Variants in RYR2 observed in about 807,000 individuals in gnomAD.
RYR2 encodes cardiac muscle ryanodine receptor-calcium release channel.
In RYR2, 227 loss-of-function variants were observed where a neutral mutation model predicts 601.1. That is an observed-to-expected ratio of 0.38 (90% confidence interval 0.34 to 0.42). RYR2 has a LOEUF of 0.42. Ranked by LOEUF, RYR2 falls within the 10% of genes least tolerant of loss-of-function variation. The probability of loss-of-function intolerance (pLI) is 1.00; values close to 1 mark genes in which losing one functional copy is unlikely to be tolerated. For missense variants in RYR2, 4,646 were observed against 6,156.5 expected (o/e 0.75, Z 8.21); for synonymous variants, 2,223 against 2,175.1 (o/e 1.02, Z -0.61).
chr1:237,284,493 A>AAAATATAT (rs1572470306), intron 2 of RYR2, among the ~76,000 whole-genome samples: 12 of 90,768 alleles, frequency 1.3e-4, no homozygotes, highest in South Asian at 3.9e-4. Flanking sequence ...TATAATATAT[A>AAAATATAT]AAATATATAT....
chr1:237,293,163 G>T (rs1300992592), intron 2 of RYR2, among the ~76,000 whole-genome samples: 1 of 152,038 alleles, frequency 6.6e-6, no homozygotes, highest in Non-Finnish European at 1.5e-5. Flanking sequence ...GATTCTTCAA[G>T]TTGATGCCTT....
intron 27 of RYR2, among the ~76,000 whole-genome samples, chr1:237,554,612 GT>G (rs1041574773): frequency 6.6e-6 from 1 of 151,816 alleles, no homozygotes; most frequent in Non-Finnish European, 1.5e-5. Flanking sequence ...CGAGCCTAGA[GT>G]TTTATACTAT....
chr1:237,367,899 C>T (rs1700332408), intron 5 of RYR2, among the ~76,000 whole-genome samples: 1 of 152,196 alleles, frequency 6.6e-6, no homozygotes, highest in Admixed American at 6.5e-5. Context: ...TTACCATGGC[C>T]TGACCTCACG....
At chr1:237,743,709 A>G in intron 80 of RYR2, 3 of 470,034 alleles carry the variant, frequency 6.4e-6, no homozygotes, top group South Asian at 1.6e-5. Context: ...AACATCTTGG[A>G]TTCTTTTGTG....
chr1:237,596,187 G>C (rs1420774753), intron 34 of RYR2, among the ~76,000 whole-genome samples: 1 of 152,090 alleles, frequency 6.6e-6, no homozygotes, highest in African/African-American at 2.4e-5. Flanking sequence ...TAATTCTCTA[G>C]TAACAGATCC....
At chr1:237,780,378 C>T (rs183790697) in intron 88 of RYR2, among the ~76,000 whole-genome samples, 3 of 152,286 alleles carry the variant, frequency 2.0e-5, no homozygotes, top group Admixed American at 2.0e-4. Context: ...GTTTTTCCAT[C>T]AGGGTATTAA....
At chr1:237,311,135 A>G (rs1160493434) in intron 2 of RYR2, among the ~76,000 whole-genome samples, 1 of 152,174 alleles carries the variant, frequency 6.6e-6, no homozygotes, top group Non-Finnish European at 1.5e-5. Flanking sequence ...ATTCACTCAA[A>G]AAATAGTTGG....
At chr1:237,637,844 AGCTCTTG>A (rs1681035741) in intron 44 of RYR2, among the ~76,000 whole-genome samples, 1 of 152,182 alleles carries the variant, frequency 6.6e-6, no homozygotes, top group Non-Finnish European at 1.5e-5. Context: ...ATAATCCTGC[AGCTCTTG>A]GCCCACCCAG....
chr1:237,529,096 G>A, intron 24 of RYR2, among the ~76,000 whole-genome samples: 1 of 152,152 alleles, frequency 6.6e-6, no homozygotes, highest in East Asian at 1.9e-4. Context: ...ATAGCACTCA[G>A]TAGATATTTA....
At chr1:237,795,195 A>G in intron 95 of RYR2, 94 bp from the exon 96 acceptor site, 2 of 606,912 alleles carry the variant, frequency 3.3e-6, no homozygotes, top group Non-Finnish European at 2.8e-6. Context: ...ATATGTTTAC[A>G]TATTATTTTA....
chr1:237,687,215 T>A (rs1558219909), intron 62 of RYR2, among the ~76,000 whole-genome samples: 1 of 152,094 alleles, frequency 6.6e-6, no homozygotes, highest in Non-Finnish European at 1.5e-5. Flanking sequence ...ATGTGCTTTT[T>A]TAACCATGTT....
At chr1:237,321,004 A>C (rs970753004) in intron 2 of RYR2, among the ~76,000 whole-genome samples, 11 of 151,930 alleles carry the variant, frequency 7.2e-5, no homozygotes, top group African/African-American at 2.7e-4. Flanking sequence ...GTTACCACAA[A>C]TGGACAGGGC....
chr1:237,329,145 T>C (rs1016673649), intron 2 of RYR2, among the ~76,000 whole-genome samples: 16 of 152,156 alleles, frequency 1.1e-4, no homozygotes, highest in African/African-American at 3.6e-4. Context: ...GCATTCACAA[T>C]TTAATCATCC....
chr1:237,500,803 A>G lies in RYR2; in HGVS notation c.2296A>G (p.Ile766Val). The change falls in exon 21 of 105, where the codon ATC (isoleucine) becomes GTC (valine). Residue 766 changes from isoleucine to valine, a missense_variant. By Grantham distance (29) the Ile-to-Val change is conservative. Coordinates refer to ENST00000366574, the MANE Select transcript of RYR2 (RefSeq NM_001035.3). ...CTGTTTAGATCTGAGTGCCCCAAGC[A>G]TCTCGTTCCGAATTAATGGACAACC... ...SCCLDLSAPS[I>V]SFRINGQPVQ... The G allele has an allele frequency of 1.2e-6, 2 of 1,614,042 alleles. No individual in the cohort carries two copies. The highest frequency in any genetic ancestry group is 1.7e-6 in the Non-Finnish European group (2 of 1,179,896).
intron 1 of RYR2, among the ~76,000 whole-genome samples, chr1:237,103,252 C>T (rs921839452): frequency 3.9e-5 from 6 of 152,174 alleles, no homozygotes; most frequent in African/African-American, 9.7e-5. Flanking sequence ...ATTCAGCTTC[C>T]GAACACTGTC....
intron 1 of RYR2, among the ~76,000 whole-genome samples, chr1:237,130,576 G>T (rs745508944): frequency 3.3e-5 from 5 of 152,120 alleles, no homozygotes; most frequent in Admixed American, 2.0e-4. Context: ...GCCAGGCGTG[G>T]TGGTGTGCAC....
At chr1:237,736,077 G>A (rs1326453128) in intron 79 of RYR2, among the ~76,000 whole-genome samples, 1 of 152,172 alleles carries the variant, frequency 6.6e-6, no homozygotes, top group East Asian at 1.9e-4. Flanking sequence ...TTTAAACAGA[G>A]TTGTTTTTAT....
chr1:237,181,129 ACC>A, intron 1 of RYR2, among the ~76,000 whole-genome samples: 1 of 151,974 alleles, frequency 6.6e-6, no homozygotes, highest in African/African-American at 2.4e-5. Context: ...GATTACAGGC[ACC>A]TGCCACCATG....
chr1:237,617,979 G>A (rs985235426), intron 38 of RYR2, among the ~76,000 whole-genome samples: 1 of 152,152 alleles, frequency 6.6e-6, no homozygotes, highest in Non-Finnish European at 1.5e-5. Flanking sequence ...AAGGGAACCT[G>A]CCTATATCAG....
Sources: allele counts gnomAD v4.1 joint callset (sites outside exome capture counted in the v4.1 genomes callset), GRCh38; gene constraint gnomAD v4.1.1; transcripts MANE v1.5; gene names NCBI Gene and HGNC (gene_info 2026-07-23, HGNC 2026-07-21).